Variants in LPP observed in about 807,000 individuals in gnomAD.
LPP encodes the protein lipoma-preferred partner.
In LPP, 38 loss-of-function variants were observed where a neutral mutation model predicts 60.4. The ratio of observed to expected loss-of-function variants is 0.63; its 90% CI spans 0.49 to 0.83. The LOEUF (loss-of-function observed/expected upper bound fraction) is 0.83, where lower values mean the gene tolerates loss of function less well. LPP is among the 40% of genes least tolerant of loss of function. The pLI, the probability that LPP is intolerant of heterozygous loss-of-function variation, is 0.00. For missense variants in LPP, 902 were observed against 783.6 expected (o/e 1.15, Z -1.80); for synonymous variants, 328 against 290.8 (o/e 1.13, Z -1.30).
chr3:188,639,691 C>CA (rs1378352372), intron 7 of LPP, among the ~76,000 whole-genome samples: 1 of 151,396 alleles, frequency 6.6e-6, no homozygotes, highest in African/African-American at 2.4e-5. Flanking sequence ...ACAACCCCAT[C>CA]AAAAAGTGGG....
chr3:188,868,375 G>C (rs931971495), intron 10 of LPP, among the ~76,000 whole-genome samples: 1 of 152,122 alleles, frequency 6.6e-6, no homozygotes. Context: ...CATAATTAGA[G>C]ACTGGTGACT....
intron 7 of LPP, among the ~76,000 whole-genome samples, chr3:188,702,325 T>TTTC (rs201438166): frequency 6.6e-6 from 1 of 150,752 alleles, no homozygotes; most frequent in Non-Finnish European, 1.5e-5. Flanking sequence ...CCTTCTTTCT[T>TTTC]TTCTTCTTCT....
At chr3:188,221,641 T>C (rs2149289449) in intron 1 of LPP, among the ~76,000 whole-genome samples, 1 of 152,330 alleles carries the variant, frequency 6.6e-6, no homozygotes, top group African/African-American at 2.4e-5. Context: ...AGCTAGTTAA[T>C]TGTTAACCCT....
At chr3:188,582,324 A>T (rs568635275) in intron 6 of LPP, among the ~76,000 whole-genome samples, 1 of 148,834 alleles carries the variant, frequency 6.7e-6, no homozygotes, top group South Asian at 2.1e-4. Context: ...TGCCTGGCTA[A>T]TTTTTTTTTC....
chr3:188,701,676 A>G (rs1047323227), intron 7 of LPP, among the ~76,000 whole-genome samples: 4 of 152,076 alleles, frequency 2.6e-5, no homozygotes, highest in South Asian at 2.1e-4. Flanking sequence ...AGGCTCTGCC[A>G]TGCTTAGTAA....
intron 9 of LPP, among the ~76,000 whole-genome samples, chr3:188,818,760 A>G (rs1753153481): frequency 6.6e-6 from 1 of 152,180 alleles, no homozygotes; most frequent in East Asian, 1.9e-4. Flanking sequence ...AAATAAAAAA[A>G]TGGAATAAGC....
At chr3:188,301,405 A>G (rs910329315) in intron 2 of LPP, among the ~76,000 whole-genome samples, 8 of 152,228 alleles carry the variant, frequency 5.3e-5, no homozygotes, top group African/African-American at 1.7e-4. Context: ...GGAAGGTCAG[A>G]ACTAACCTGA....
At chr3:188,268,003 A>C (rs1577702473) in intron 2 of LPP, among the ~76,000 whole-genome samples, 1 of 144,684 alleles carries the variant, frequency 6.9e-6, no homozygotes, top group Non-Finnish European at 1.5e-5. Flanking sequence ...ATGGAATTCC[A>C]ACTATTTTTA....
intron 2 of LPP, among the ~76,000 whole-genome samples, chr3:188,270,280 A>AACACACAGACGTGTGTGTGTGGACAC (rs1196037010): frequency 2.2e-4 from 34 of 151,816 alleles, no homozygotes; most frequent in Non-Finnish European, 2.4e-4. Flanking sequence ...TTCGTTCCCA[A>AACACACAGACGTGTGTGTGTGGACAC]ACACACAGAC....
chr3:188,541,117 C>A (rs1019673), intron 6 of LPP, among the ~76,000 whole-genome samples: 70,766 of 152,060 alleles, frequency 0.47, 17,275 homozygotes, highest in East Asian at 0.92. Flanking sequence ...AATTTACTAA[C>A]CCTATCATTG....
intron 7 of LPP, among the ~76,000 whole-genome samples, chr3:188,637,507 TA>T (rs1849070126): frequency 1.3e-5 from 2 of 149,916 alleles, no homozygotes; most frequent in East Asian, 2.0e-4. Flanking sequence ...AAGAAATAAC[TA>T]AAATCAGAGC....
intron 5 of LPP, among the ~76,000 whole-genome samples, chr3:188,497,772 A>C (rs940213921): frequency 6.6e-6 from 1 of 152,192 alleles, no homozygotes; most frequent in Non-Finnish European, 1.5e-5. Context: ...AAGCCATTTT[A>C]TAAGTAGAGA....
intron 2 of LPP, among the ~76,000 whole-genome samples, chr3:188,280,952 T>A (rs75686128): frequency 2.5e-4 from 34 of 135,558 alleles, no homozygotes; most frequent in Middle Eastern, 3.9e-3. Context: ...TTTTTTTTTT[T>A]AAGAGGGAAT....
At chr3:188,655,745 T>C (rs1853047759) in intron 7 of LPP, among the ~76,000 whole-genome samples, 2 of 152,178 alleles carry the variant, frequency 1.3e-5, no homozygotes, top group South Asian at 4.1e-4. Context: ...TACTATAGAA[T>C]AGAGAGAATT....
chr3:188,454,497 T>G (rs1797288496), intron 4 of LPP, among the ~76,000 whole-genome samples: 1 of 152,174 alleles, frequency 6.6e-6, no homozygotes, highest in Non-Finnish European at 1.5e-5. Flanking sequence ...AGATGTAAAA[T>G]TGTAATTTGT....
chr3:188,393,982 CT>C (rs1780305355), intron 3 of LPP, among the ~76,000 whole-genome samples: 1 of 152,088 alleles, frequency 6.6e-6, no homozygotes, highest in Non-Finnish European at 1.5e-5. Context: ...TTAAATGCCC[CT>C]GTAATGGTTT....
chr3:188,789,841 A>G (rs1743117009), intron 9 of LPP, among the ~76,000 whole-genome samples: 1 of 152,260 alleles, frequency 6.6e-6, no homozygotes, highest in Non-Finnish European at 1.5e-5. Context: ...TGTTCAAATT[A>G]TTTAAAGAAA....
At chr3:188,444,403 T>G (rs566794809) in intron 4 of LPP, among the ~76,000 whole-genome samples, 1 of 152,296 alleles carries the variant, frequency 6.6e-6, no homozygotes, top group South Asian at 2.1e-4. Flanking sequence ...AAAGAAAAAG[T>G]TATGCCCGAC....
intron 4 of LPP, among the ~76,000 whole-genome samples, chr3:188,428,596 A>ATATATTT (rs1553895829): frequency 7.0e-6 from 1 of 142,680 alleles, no homozygotes; most frequent in South Asian, 2.2e-4. Context: ...ATATATATAT[A>ATATATTT]TTTTTTTTTT....
Sources: allele counts gnomAD v4.1 joint callset (sites outside exome capture counted in the v4.1 genomes callset), GRCh38; gene constraint gnomAD v4.1.1; transcripts MANE v1.5; gene names NCBI Gene and HGNC (gene_info 2026-07-23, HGNC 2026-07-21).